Variants in QTMAN observed in about 807,000 individuals in gnomAD.
QTMAN encodes the protein queuosine-tRNA mannosyltransferase.
the QTMAN span, among the ~76,000 whole-genome samples, chr2:144,138,664 T>C: frequency 1.3e-5 from 2 of 152,030 alleles, no homozygotes; most frequent in East Asian, 3.9e-4. Flanking sequence ...ATGGAGAATA[T>C]GCACCCAGAA....
the QTMAN span, among the ~76,000 whole-genome samples, chr2:144,153,694 GAAAACA>G: frequency 6.6e-5 from 10 of 152,108 alleles, no homozygotes; most frequent in African/African-American, 1.2e-4. Flanking sequence ...CCGTCTCAAA[GAAAACA>G]AAAACAAAAA....
the QTMAN span, chr2:143,970,763 CT>C: frequency 2.7e-6 from 4 of 1,474,836 alleles, no homozygotes; most frequent in Non-Finnish European, 3.8e-6. Context: ...ATCATGCTCC[CT>C]GGAAATAAAC....
chr2:144,152,180 C>T, the QTMAN span, among the ~76,000 whole-genome samples: 1 of 152,162 alleles, frequency 6.6e-6, no homozygotes, highest in Admixed American at 6.5e-5. Flanking sequence ...CAGGAGAGCA[C>T]TGTATACAAA....
the QTMAN span, among the ~76,000 whole-genome samples, chr2:143,949,160 A>G: frequency 6.6e-6 from 1 of 152,008 alleles, no homozygotes; most frequent in Non-Finnish European, 1.5e-5. Flanking sequence ...GAGCGAGTAC[A>G]CACATACATG....
At chr2:144,051,280 T>C in the QTMAN span, among the ~76,000 whole-genome samples, 1,167 of 152,178 alleles carry the variant, frequency 7.7e-3, 15 homozygotes, top group African/African-American at 0.026. Context: ...CCTATAACCC[T>C]AGCACTTCGG....
At chr2:144,304,639 C>T in the QTMAN span, among the ~76,000 whole-genome samples, 1 of 152,296 alleles carries the variant, frequency 6.6e-6, no homozygotes, top group Non-Finnish European at 1.5e-5. Context: ...GAAACAGGAT[C>T]TCACTATATT....
the QTMAN span, among the ~76,000 whole-genome samples, chr2:143,991,012 G>T: frequency 6.6e-6 from 1 of 151,886 alleles, no homozygotes; most frequent in Non-Finnish European, 1.5e-5. Context: ...GTTCAACAAA[G>T]CTTAAGAGAG....
At chr2:144,288,820 A>G in the QTMAN span, among the ~76,000 whole-genome samples, 1 of 152,172 alleles carries the variant, frequency 6.6e-6, no homozygotes, top group Non-Finnish European at 1.5e-5. Flanking sequence ...ACTGAAGAAG[A>G]GACCATCTGT....
At chr2:144,143,799 G>A in the QTMAN span, among the ~76,000 whole-genome samples, 1 of 151,914 alleles carries the variant, frequency 6.6e-6, no homozygotes, top group Non-Finnish European at 1.5e-5. Context: ...CAGAGGGTTA[G>A]TGAAATCACT....
the QTMAN span, chr2:144,317,390 G>A: frequency 7.1e-6 from 1 of 141,128 alleles, no homozygotes; most frequent in African/African-American, 2.7e-5. Context: ...AGGATGGAAG[G>A]AAGGAAGGAA....
the QTMAN span, among the ~76,000 whole-genome samples, chr2:143,992,886 C>T: frequency 3.2e-4 from 48 of 151,876 alleles, 1 homozygote; most frequent in Middle Eastern, 6.8e-3. Flanking sequence ...ATGAAACACA[C>T]GGTAATTATT....
the QTMAN span, among the ~76,000 whole-genome samples, chr2:144,270,087 A>G: frequency 6.6e-6 from 1 of 152,300 alleles, no homozygotes; most frequent in African/African-American, 2.4e-5. Context: ...CTGAACTCTA[A>G]TGGACATATT....
chr2:143,973,618 G>A, the QTMAN span, among the ~76,000 whole-genome samples: 11,556 of 151,676 alleles, frequency 0.076, 813 homozygotes, highest in African/African-American at 0.17. Context: ...GTGAAACCCC[G>A]TCTCTACTAA....
At chr2:144,230,806 A>C in the QTMAN span, among the ~76,000 whole-genome samples, 1 of 152,158 alleles carries the variant, frequency 6.6e-6, no homozygotes, top group South Asian at 2.1e-4. Context: ...TGTTAGTAAG[A>C]TTGTTTTAAT....
chr2:144,144,982 T>C, the QTMAN span, among the ~76,000 whole-genome samples: 3 of 149,732 alleles, frequency 2.0e-5, no homozygotes, highest in South Asian at 2.1e-4. Context: ...GAAGTAACAA[T>C]AGAGGACCAT....
At chr2:144,090,634 T>C in the QTMAN span, among the ~76,000 whole-genome samples, 30 of 152,062 alleles carry the variant, frequency 2.0e-4, no homozygotes, top group Non-Finnish European at 3.8e-4. Context: ...AAGGTAAATA[T>C]TGAAGTATAC....
chr2:144,061,834 G>A, the QTMAN span, among the ~76,000 whole-genome samples: 1 of 152,154 alleles, frequency 6.6e-6, no homozygotes, highest in African/African-American at 2.4e-5. Context: ...CAGAGTGGCA[G>A]AGCAGAGAAG....
chr2:144,201,840 AAAG>A, the QTMAN span, among the ~76,000 whole-genome samples: 1 of 152,198 alleles, frequency 6.6e-6, no homozygotes, highest in Non-Finnish European at 1.5e-5. Context: ...AATTTCTCCT[AAAG>A]AAGGGGAGTG....
At chr2:144,224,399 TC>T in the QTMAN span, among the ~76,000 whole-genome samples, 1 of 152,210 alleles carries the variant, frequency 6.6e-6, no homozygotes, top group African/African-American at 2.4e-5. Flanking sequence ...TCATCATTGT[TC>T]CGCATGCTTG....
Sources: allele counts gnomAD v4.1 joint callset (sites outside exome capture counted in the v4.1 genomes callset), GRCh38; gene constraint gnomAD v4.1.1; transcripts MANE v1.5; gene names NCBI Gene and HGNC (gene_info 2026-07-23, HGNC 2026-07-21).